CSTPP1: variants seen among roughly 807,000 people sequenced by gnomAD.
CSTPP1 encodes centriolar satellite-associated tubulin polyglutamylase complex regulator 1, also known as UPF0705 protein C11orf49.
At chr11:47,159,844 A>C in the CSTPP1 span, 1 of 374,144 alleles carries the variant, frequency 2.7e-6, no homozygotes, top group Admixed American at 3.4e-5. Context: ...GTCTCTACTG[A>C]AAATACAAAA....
At chr11:47,107,042 C>A in the CSTPP1 span, among the ~76,000 whole-genome samples, 3 of 152,260 alleles carry the variant, frequency 2.0e-5, no homozygotes, top group Middle Eastern at 6.8e-3. Flanking sequence ...GACCCCCAAA[C>A]CTTGAAGCTT....
At chr11:46,967,250 A>T in the CSTPP1 span, among the ~76,000 whole-genome samples, 1 of 152,094 alleles carries the variant, frequency 6.6e-6, no homozygotes, top group Non-Finnish European at 1.5e-5. Flanking sequence ...TGGTGTGAGG[A>T]AAGGTTCATT....
chr11:47,017,923 C>T, the CSTPP1 span, among the ~76,000 whole-genome samples: 2 of 152,142 alleles, frequency 1.3e-5, no homozygotes, highest in Non-Finnish European at 2.9e-5. Flanking sequence ...CCACCTTGGC[C>T]TCCCAAAGTG....
chr11:47,108,304 G>A, the CSTPP1 span, among the ~76,000 whole-genome samples: 1 of 152,156 alleles, frequency 6.6e-6, no homozygotes, highest in African/African-American at 2.4e-5. Flanking sequence ...CTGTCATCCA[G>A]GAGACACTGT....
chr11:46,965,102 G>A, the CSTPP1 span, among the ~76,000 whole-genome samples: 3 of 151,818 alleles, frequency 2.0e-5, no homozygotes, highest in Admixed American at 6.6e-5. Flanking sequence ...TATGGGACAA[G>A]TGGACTACTT....
chr11:47,025,991 G>C, the CSTPP1 span, among the ~76,000 whole-genome samples: 1 of 152,128 alleles, frequency 6.6e-6, no homozygotes, highest in Non-Finnish European at 1.5e-5. Context: ...TAGAGAGGAG[G>C]GGAAGGAATG....
chr11:46,974,890 AC>A, the CSTPP1 span, among the ~76,000 whole-genome samples: 4 of 150,802 alleles, frequency 2.7e-5, no homozygotes, highest in African/African-American at 7.3e-5. Context: ...ACACACACAC[AC>A]ACACACACAC....
chr11:46,957,111 C>T, the CSTPP1 span, among the ~76,000 whole-genome samples: 127 of 152,210 alleles, frequency 8.3e-4, no homozygotes, highest in African/African-American at 2.8e-3. Context: ...TCAAACACAT[C>T]AGGCATCCTC....
chr11:47,046,906 T>C, the CSTPP1 span, among the ~76,000 whole-genome samples: 12,361 of 144,894 alleles, frequency 0.085, 1,720 homozygotes, highest in African/African-American at 0.29. Context: ...TTTCTTTTCT[T>C]TTTTTTTTTT....
chr11:47,159,719 A>C, the CSTPP1 span: 2 of 456,042 alleles, frequency 4.4e-6, no homozygotes, highest in South Asian at 3.1e-5. Flanking sequence ...TTTAAAAAGG[A>C]CACTGGCTGG....
chr11:46,939,481 T>C, the CSTPP1 span, among the ~76,000 whole-genome samples: 3 of 152,068 alleles, frequency 2.0e-5, no homozygotes, highest in African/African-American at 7.2e-5. Context: ...GTTGGTAATA[T>C]GGAAACTTGA....
At chr11:47,153,833 G>T in the CSTPP1 span, among the ~76,000 whole-genome samples, 11 of 152,226 alleles carry the variant, frequency 7.2e-5, no homozygotes, top group Non-Finnish European at 1.3e-4. Context: ...TTCCCCAGCA[G>T]TGAGCAATCC....
the CSTPP1 span, among the ~76,000 whole-genome samples, chr11:46,965,289 A>G: frequency 6.9e-6 from 1 of 144,334 alleles, no homozygotes; most frequent in East Asian, 2.0e-4. Context: ...GCAGTGGTGC[A>G]ATCTCGGGTA....
At chr11:46,946,620 G>A in the CSTPP1 span, among the ~76,000 whole-genome samples, 8 of 152,196 alleles carry the variant, frequency 5.3e-5, no homozygotes, top group East Asian at 1.2e-3. Context: ...ATTGCACCAC[G>A]GCACTCCAGC....
At chr11:47,026,923 A>T in the CSTPP1 span, among the ~76,000 whole-genome samples, 1 of 152,198 alleles carries the variant, frequency 6.6e-6, no homozygotes, top group Non-Finnish European at 1.5e-5. Context: ...ATTATCATGT[A>T]CACACAATTT....
chr11:47,060,326 C>T, the CSTPP1 span, among the ~76,000 whole-genome samples: 2 of 142,906 alleles, frequency 1.4e-5, no homozygotes, highest in Non-Finnish European at 3.0e-5. Flanking sequence ...CAACCTCTGC[C>T]TCCCGGGCCC....
At chr11:47,158,101 T>G in the CSTPP1 span, 2 of 592,594 alleles carry the variant, frequency 3.4e-6, no homozygotes, top group Non-Finnish European at 3.0e-6. Context: ...CTCTTACACA[T>G]TCCCATGGTA....
the CSTPP1 span, among the ~76,000 whole-genome samples, chr11:47,009,527 T>C: frequency 6.6e-6 from 1 of 152,208 alleles, no homozygotes; most frequent in Non-Finnish European, 1.5e-5. Context: ...CTGAGTGTGG[T>C]GGCTCATGCC....
At chr11:46,958,374 A>G in the CSTPP1 span, among the ~76,000 whole-genome samples, 1 of 152,218 alleles carries the variant, frequency 6.6e-6, no homozygotes, top group African/African-American at 2.4e-5. Context: ...CATATACAAA[A>G]TATGTGCTAA....
Sources: gnomAD v4.1 joint callset for allele counts (sites outside exome capture counted in the v4.1 genomes callset) on GRCh38, gnomAD v4.1.1 for gene constraint, MANE v1.5 for transcripts, NCBI Gene and HGNC (gene_info 2026-07-23, HGNC 2026-07-21) for gene names.